The following ICA1 variants were observed in gnomAD, a reference collection of about 807,000 sequenced individuals.
ICA1 encodes islet cell autoantigen 1.
ICA1 carries 40 observed loss-of-function variants against 71.0 expected under a neutral mutation model. That is an observed-to-expected ratio of 0.56 (90% CI 0.44 to 0.73). ICA1 has a LOEUF of 0.73. Among genes scored for constraint, ICA1 ranks in the 30% least tolerant of loss-of-function variants. The pLI, the probability that ICA1 is intolerant of heterozygous loss-of-function variation, is 0.00. For missense variants in ICA1, 578 were observed against 576.5 expected, an observed-to-expected ratio of 1.00 and a Z score of -0.03; for synonymous variants, 207 against 209.5, an observed-to-expected ratio of 0.99 and a Z score of 0.10.
intron 6 of ICA1, among the ~76,000 whole-genome samples, chr7:8,213,987 G>A (rs374606254): frequency 1.8e-4 from 27 of 152,274 alleles, no homozygotes; most frequent in African/African-American, 6.0e-4. Flanking sequence ...TTATGGTGAT[G>A]AAACACTAGA....
chr7:8,132,037 C>T lies in ICA1; in HGVS notation c.1061-3895G>A, dbSNP rs1009791135. On this transcript the variant is annotated intron_variant, in intron 12 of 13. Transcript: ENST00000402384. The surrounding 1 kb of genome is among the most constrained non-coding windows in gnomAD (Gnocchi z 4.5). ...GGTGCCAAACCCACAGATGCTACAC[C>T]AAGTTCCCTTCACTCTCTTGCAGGC... Among the ~76,000 whole-genome samples the T allele has an allele frequency of 6.6e-6, 1 of 152,216 alleles. No homozygotes were observed. The highest frequency in any genetic ancestry group is 1.5e-5 in the Non-Finnish European group (1 of 68,034).
At chr7:8,213,114 C>G (rs1247097372) in intron 6 of ICA1, among the ~76,000 whole-genome samples, 5 of 152,112 alleles carry the variant, frequency 3.3e-5, no homozygotes, top group Non-Finnish European at 7.4e-5. Context: ...ACAACCAAAC[C>G]CAAACAACAG....
chr7:8,137,203 T>G (rs1348204285), intron 12 of ICA1, among the ~76,000 whole-genome samples: 1 of 152,216 alleles, frequency 6.6e-6, no homozygotes, highest in Non-Finnish European at 1.5e-5. Context: ...TTTTACTGTG[T>G]ATTTTTTTAT....
chr7:8,232,698 C>T lies in ICA1; in HGVS notation c.75G>A (p.Lys25=), dbSNP rs1444452773. 3 of 1,612,432 alleles carry T rather than the reference C, an allele frequency of 1.9e-6. No homozygotes were observed. The highest frequency in any genetic ancestry group is 2.5e-6 in the Non-Finnish European group (3 of 1,179,194). The change falls in exon 3 of 14, where the codon AAG becomes AAA. Residue 25 remains lysine (K), a synonymous_variant. Transcript: ENST00000402384. ...RYAQDKSVVN[K]MQQKYWETKQ... is the part of the protein sequence containing the mutation. ...TCGTCTCCCAATATTTCTGTTGCAT[C>T]TTATTTACAACTGACTTATCTTGAG... is the stretch of plus-strand genomic sequence containing the variant.
intron 13 of ICA1, among the ~76,000 whole-genome samples, chr7:8,126,078 C>A (rs1789069221): frequency 6.6e-6 from 1 of 152,232 alleles, no homozygotes; most frequent in South Asian, 2.1e-4. Context: ...GGAGCTCTGA[C>A]TTCTTGGCTG....
chr7:8,181,384 T>C (rs1202198706), intron 6 of ICA1, among the ~76,000 whole-genome samples: 1 of 152,196 alleles, frequency 6.6e-6, no homozygotes, highest in African/African-American at 2.4e-5. Context: ...TAGTTTAGCT[T>C]TATAATCAGC....
At chr7:8,176,910 G>A (rs1277109610) in intron 6 of ICA1, among the ~76,000 whole-genome samples, 7 of 152,162 alleles carry the variant, frequency 4.6e-5, no homozygotes, top group African/African-American at 1.2e-4. Context: ...TGGCAGGGGT[G>A]GAGCCAGGAT....
chr7:8,170,235 C>T (rs996270106), intron 6 of ICA1, among the ~76,000 whole-genome samples: 2 of 151,964 alleles, frequency 1.3e-5, no homozygotes, highest in African/African-American at 4.8e-5. Flanking sequence ...CACACTGTCT[C>T]GATTACTGTC....
chr7:8,163,412 T>C lies in ICA1; in HGVS notation c.580-4760A>G, dbSNP rs562450312. Among the ~76,000 whole-genome samples the C allele has an allele frequency of 1.5e-4, 23 of 152,346 alleles. No individual in the cohort carries two copies. The East Asian group carries it at 4.2e-3, about 28-fold the overall frequency. The stretch of plus-strand genomic sequence containing the variant: ...CTACTCTCATTTTTATATCTTCTTA[T>C]AGGAGATAGCTCTGGCCTTAAATCC... On this transcript the variant is annotated intron_variant, in intron 6 of 13. Coordinates refer to ENST00000402384, the MANE Select transcript of ICA1 (RefSeq NM_001136020.3).
chr7:8,152,545 TCACCACCTCCAC>T (rs1799200067), intron 8 of ICA1, among the ~76,000 whole-genome samples: 1 of 126,614 alleles, frequency 7.9e-6, no homozygotes, highest in Non-Finnish European at 1.8e-5. Context: ...GCTATTACCA[TCACCACCTCCAC>T]CACCACCACC....
intron 1 of ICA1, among the ~76,000 whole-genome samples, chr7:8,261,042 G>A (rs996079526): frequency 6.6e-6 from 1 of 152,138 alleles, no homozygotes; most frequent in African/African-American, 2.4e-5. Flanking sequence ...CCTACATTCA[G>A]TATCACTCCC....
chr7:8,244,692 G>C (rs530444958), intron 1 of ICA1, among the ~76,000 whole-genome samples: 1 of 152,246 alleles, frequency 6.6e-6, no homozygotes, highest in African/African-American at 2.4e-5. Context: ...AATCGACAAA[G>C]AATGTAAACA....
Position 8,123,665 on chromosome 7 carries a change from C to T in ICA1, c.1330+4208G>A, listed in dbSNP as rs567462835. 6.6e-6 allele frequency among the ~76,000 whole-genome samples: 1 copy of T among 152,346 alleles called. No individual in the cohort carries two copies. Among genetic ancestry groups the T allele is most frequent in the East Asian group, 1.9e-4 (1 of 5,190 alleles). ...GCCTCTGTCTCCCACACCCATTCCT[C>T]CTTTATGGCTCCCTAAATATCTCTA... On this transcript the variant is annotated intron_variant, in intron 13 of 13. Transcript: ENST00000402384. The surrounding 1 kb of genome is among the most constrained non-coding windows in gnomAD (Gnocchi z 4.1).
intron 6 of ICA1, among the ~76,000 whole-genome samples, chr7:8,180,058 G>A (rs1190062820): frequency 1.3e-5 from 2 of 151,754 alleles, no homozygotes; most frequent in Non-Finnish European, 2.9e-5. Flanking sequence ...ACACTGAAGT[G>A]CAAAATATAC....
At chr7:8,119,805 C>T (rs2128011637) in intron 13 of ICA1, among the ~76,000 whole-genome samples, 2 of 152,320 alleles carry the variant, frequency 1.3e-5, no homozygotes, top group Non-Finnish European at 2.9e-5. Context: ...GAGATCGTGC[C>T]ACTGTACTCC....
chr7:8,230,561 G>C (rs1257443858), intron 3 of ICA1, among the ~76,000 whole-genome samples: 16 of 152,180 alleles, frequency 1.1e-4, no homozygotes, highest in Admixed American at 1.0e-3. Flanking sequence ...TAGGACAGCA[G>C]CTATTTTGAT....
intron 6 of ICA1, 109 bp from the exon 7 acceptor site, chr7:8,158,761 C>G: frequency 1.7e-6 from 2 of 1,151,866 alleles, no homozygotes; most frequent in Non-Finnish European, 2.5e-6. Context: ...TATGAAAAGA[C>G]TTTTGAAAAT....
chr7:8,126,162 C>T (rs745472310), intron 13 of ICA1, among the ~76,000 whole-genome samples: 1 of 152,226 alleles, frequency 6.6e-6, no homozygotes, highest in Non-Finnish European at 1.5e-5. Context: ...AACACAGTTG[C>T]AACCATTCCC....
chr7:8,141,646 C>T (rs960959183), intron 10 of ICA1, 119 bp downstream of exon 10: 20 of 631,244 alleles, frequency 3.2e-5, no homozygotes, highest in Non-Finnish European at 4.4e-5. Flanking sequence ...GCAAATTAGC[C>T]TTTTCTCAGT....
Sources: allele counts gnomAD v4.1 joint callset (sites outside exome capture counted in the v4.1 genomes callset), GRCh38; gene constraint gnomAD v4.1.1; non-coding constraint Gnocchi (gnomAD v3.1); transcripts MANE v1.5; gene names NCBI Gene and HGNC (gene_info 2026-07-23, HGNC 2026-07-21).